NLRP7: variants seen among roughly 807,000 people sequenced by gnomAD.
NLRP7 encodes the protein NACHT, LRR and PYD domains-containing protein 7.
A neutral mutation model predicts 85.5 loss-of-function variants in NLRP7; 72 were observed. That is an observed-to-expected ratio of 0.84 (90% CI 0.70 to 1.02). The LOEUF (loss-of-function observed/expected upper bound fraction) is 1.02, where lower values mean the gene tolerates loss of function less well. Among genes scored for constraint, NLRP7 ranks in the 50% least tolerant of loss-of-function variants. The pLI, the probability that NLRP7 is intolerant of heterozygous loss-of-function variation, is 0.00. For synonymous variants in NLRP7, 550 were observed against 505.2 expected, an observed-to-expected ratio of 1.09 and a Z score of -1.19; for missense variants, 1,243 against 1,219.5, an observed-to-expected ratio of 1.02 and a Z score of -0.29.
At chr19:54,948,571 A>G (rs184073090), upstream of NLRP7, among the ~76,000 whole-genome samples, 1 of 151,602 alleles carries the variant, frequency 6.6e-6, no homozygotes, top group Non-Finnish European at 1.5e-5. Flanking sequence ...TAGATAACTG[A>G]TATTTAATTT....
exon 4 of NLRP7, chr19:54,940,124 G>A (rs768491997): frequency 1.2e-6 from 2 of 1,614,190 alleles, no homozygotes; most frequent in East Asian, 4.5e-5. Flanking sequence ...CTGCAATTCA[G>A]GCCAGTCTTT....
chr19:54,948,266 TC>T (rs1318431531), upstream of NLRP7, among the ~76,000 whole-genome samples: 1 of 152,022 alleles, frequency 6.6e-6, no homozygotes, highest in Non-Finnish European at 1.5e-5. Flanking sequence ...GTGCCTGTAA[TC>T]CCAGCTACTC....
intron 9 of NLRP7, among the ~76,000 whole-genome samples, chr19:54,930,039 C>T (rs1458502891): frequency 2.0e-5 from 3 of 146,600 alleles, no homozygotes; most frequent in South Asian, 2.2e-4. Context: ...AGCGAGAACC[C>T]GGGAGGAAGA....
chr19:54,930,321 C>CCATGGTAA (rs962135019), intron 9 of NLRP7, among the ~76,000 whole-genome samples, 178 bp downstream of exon 9: 4 of 150,768 alleles, frequency 2.7e-5, no homozygotes, highest in Admixed American at 6.6e-5. Flanking sequence ...AGTTACCTGG[C>CCATGGTAA]CATGGTAATA....
At chr19:54,940,247 C>T in exon 4 of NLRP7, 2 of 1,614,206 alleles carry the variant, frequency 1.2e-6, no homozygotes, top group African/African-American at 2.7e-5. Context: ...GTCCAGCATA[C>T]ACTTTTTGGC....
chr19:54,936,634 C>T (rs2068941433), intron 5 of NLRP7, among the ~76,000 whole-genome samples: 1 of 151,294 alleles, frequency 6.6e-6, no homozygotes, highest in Non-Finnish European at 1.5e-5. Context: ...CCAACCTGGG[C>T]AACATGGTGA....
intron 9 of NLRP7, 26 bp downstream of exon 9, chr19:54,930,468 AGAAAG>A (rs2068628230): frequency 4.6e-6 from 7 of 1,510,282 alleles, no homozygotes; most frequent in Non-Finnish European, 6.4e-6. Flanking sequence ...TCTCAAAAAA[AGAAAG>A]AAAGAAGAAA....
At position 54,965,041 on chromosome 19, in the gene NLRP7, C is replaced by T. The variant is rs1019876392; in HGVS notation, c.-77+999G>A. 5 of 102,916 alleles carry T rather than the reference C, an allele frequency of 4.9e-5. 1 individual carries two copies. The highest frequency in any genetic ancestry group is 1.0e-4 in the Non-Finnish European group (5 of 49,206). 6.4% of individuals were successfully genotyped at this position (102,916 alleles called of 1,614,324 possible). The stretch of plus-strand genomic sequence containing the variant: ...CGCAATCACAATTATCTGGGACTCT[C>T]GAAAGAACTCCAGGGTCTGGGCAGT... On this transcript the variant is annotated intron_variant, in intron 1 of 2. Transcript: ENST00000587103.
At chr19:54,942,334 A>G (rs1405892792) in intron 1 of NLRP7, among the ~76,000 whole-genome samples, 1 of 151,850 alleles carries the variant, frequency 6.6e-6, no homozygotes, top group Non-Finnish European at 1.5e-5. Context: ...CGTGCTGCCT[A>G]ATGGGGGCTT....
chr19:54,924,009 C>T, intron 9 of NLRP7, 137 bp from the exon 11 acceptor site: 1 of 935,878 alleles, frequency 1.1e-6, no homozygotes, highest in Non-Finnish European at 1.7e-6. Flanking sequence ...GCTCTGTTGC[C>T]CAGGCTGGGG....
upstream of NLRP7, chr19:54,948,858 A>C (rs543043901): frequency 7.5e-5 from 12 of 159,218 alleles, no homozygotes; most frequent in African/African-American, 2.4e-4. Flanking sequence ...TTTTAAATAA[A>C]ACAGTGTATG....
Position 54,930,530 on chromosome 19 carries a change from C to CT in NLRP7, c.2778dup (p.Glu927ArgfsTer6). On this transcript the variant is annotated frameshift_variant, in exon 9 of 10. Coordinates refer to ENST00000340844, the Ensembl canonical transcript of NLRP7. LOFTEE classifies it high-confidence loss of function. ...TGTTTTAGGTTACAGTTTGGATTCT[C>CT]TAATGCCTGACAGAGAATCCACAAT... is the stretch of plus-strand genomic sequence containing the variant. The CT allele has an allele frequency of 6.2e-7, 1 of 1,612,410 alleles. No individual in the cohort carries two copies. The highest frequency in any genetic ancestry group is 8.5e-7 in the Non-Finnish European group (1 of 1,178,506).
chr19:54,952,879 C>T (rs755044928), intron 1 of NLRP7, among the ~76,000 whole-genome samples: 3 of 151,774 alleles, frequency 2.0e-5, no homozygotes, highest in Non-Finnish European at 4.4e-5. Flanking sequence ...ATGACAGGCA[C>T]GGTGGCCCAG....
chr19:54,930,687 GAGA>G, intron 8 of NLRP7, 21 bp from the exon 9 acceptor site: 1 of 1,610,592 alleles, frequency 6.2e-7, no homozygotes, highest in Non-Finnish European at 8.5e-7. Context: ...ATCAAAGGAA[GAGA>G]AGCCTGTTAT....
chr19:54,935,472 G>A (rs778286311), intron 6 of NLRP7, among the ~76,000 whole-genome samples: 7 of 152,116 alleles, frequency 4.6e-5, no homozygotes, highest in Non-Finnish European at 7.4e-5. Flanking sequence ...GAGACAGGCG[G>A]ATCACTTGAG....
intron 1 of NLRP7, among the ~76,000 whole-genome samples, chr19:54,961,057 A>T (rs2070025229): frequency 6.6e-6 from 1 of 152,038 alleles, no homozygotes; most frequent in South Asian, 2.1e-4. Context: ...GGAAATTTAT[A>T]AATGTAAATA....
At chr19:54,955,988 TA>T (rs1441597451) in intron 1 of NLRP7, among the ~76,000 whole-genome samples, 1 of 149,364 alleles carries the variant, frequency 6.7e-6, no homozygotes, top group African/African-American at 2.5e-5. Context: ...AATAAATAAA[TA>T]AATAGCCAAC....
chr19:54,940,114 C>G (rs1424983785), exon 4 of NLRP7: 1 of 1,614,216 alleles, frequency 6.2e-7, no homozygotes, highest in Non-Finnish European at 8.5e-7. Context: ...GAATGTCATC[C>G]TGCAATTCAG....
intron 1 of NLRP7, among the ~76,000 whole-genome samples, chr19:54,945,492 A>C (rs1463150706): frequency 1.3e-5 from 2 of 150,138 alleles, no homozygotes; most frequent in African/African-American, 4.9e-5. Context: ...CTGGTCTTGA[A>C]CTCCTGACCT....
Sources: gnomAD v4.1 joint callset for allele counts (sites outside exome capture counted in the v4.1 genomes callset) on GRCh38, gnomAD v4.1.1 for gene constraint, MANE v1.5 for transcripts, NCBI Gene and HGNC (gene_info 2026-07-23, HGNC 2026-07-21) for gene names.